VPS39: variants seen among roughly 807,000 people sequenced by gnomAD.
The protein encoded by VPS39 is vam6/Vps39-like protein.
VPS39 carries 70 observed loss-of-function variants against 121.0 expected under a neutral mutation model. That is an observed-to-expected ratio of 0.58 (90% confidence interval 0.48 to 0.71). The LOEUF (loss-of-function observed/expected upper bound fraction) is 0.71. Ranked by LOEUF, VPS39 falls within the 30% of genes least tolerant of loss-of-function variation. The pLI is 0.00. For synonymous variants in VPS39, 378 were observed against 398.1 expected (o/e 0.95, Z 0.60); for missense variants, 818 against 1,051.5 (o/e 0.78, Z 3.07).
At position 42,160,740 on chromosome 15, in the gene VPS39, C is replaced by T. The variant is rs1187933437; in HGVS notation, c.*14G>A. ...GCCAAGCTGTCCATCCGCTGGATCCCCAGGATGCTGGGCTCAAGTGTCAGC... is the reference window on the plus strand; with the variant it reads ...GCCAAGCTGTCCATCCGCTGGATCCTCAGGATGCTGGGCTCAAGTGTCAGC... On this transcript the variant is annotated 3_prime_UTR_variant, in exon 25 of 25. Transcript: ENST00000318006. The T allele has an allele frequency of 1.9e-6, 3 of 1,613,084 alleles. No individual in the cohort carries two copies. The highest frequency in any genetic ancestry group is 1.7e-5 in the Admixed American group (1 of 60,028).
intron 10 of VPS39, among the ~76,000 whole-genome samples, chr15:42,177,826 C>G (rs1426974331): frequency 6.6e-6 from 1 of 152,080 alleles, no homozygotes; most frequent in South Asian, 2.1e-4. Flanking sequence ...GCCACCATGC[C>G]CAGCTAATTT....
At chr15:42,184,307 C>T in intron 8 of VPS39, 1 of 394,358 alleles carries the variant, frequency 2.5e-6, no homozygotes, top group South Asian at 1.2e-4. Context: ...TATATGTTTT[C>T]CCCCTCTGGA....
chr15:42,193,717 G>A (rs2049876866), intron 2 of VPS39, among the ~76,000 whole-genome samples: 1 of 151,972 alleles, frequency 6.6e-6, no homozygotes, highest in Admixed American at 6.6e-5. Flanking sequence ...TTTAATTATG[G>A]AGAAGCTGTC....
At chr15:42,192,291 T>C (rs1418361167) in intron 2 of VPS39, among the ~76,000 whole-genome samples, 1 of 152,102 alleles carries the variant, frequency 6.6e-6, no homozygotes, top group Non-Finnish European at 1.5e-5. Flanking sequence ...AATTTATATA[T>C]ATTTTTTTCT....
intron 20 of VPS39, 84 bp downstream of exon 20, chr15:42,163,542 G>A: frequency 1.3e-6 from 2 of 1,510,486 alleles, no homozygotes; most frequent in Non-Finnish European, 1.8e-6. Context: ...AGTGGAGTAT[G>A]GGGAGATGGC....
In VPS39 at chr15:42,178,429, GC is replaced by G. The variant is rs2049503320; in HGVS notation, c.839+20del. 6.2e-7 allele frequency: 1 copy of G among 1,614,000 alleles called. No individual in the cohort carries two copies. The highest frequency in any genetic ancestry group is 2.2e-5 in the East Asian group (1 of 44,888). On this transcript the variant is annotated intron_variant, in intron 9 of 24. Transcript: ENST00000318006. Reference sequence around the variant, plus strand: ...AACTTTGGGATAATATACAGCCATAGCAAAAAAAGAAATTCCTTACCCTCCT... The same window carrying G: ...AACTTTGGGATAATATACAGCCATAGAAAAAAAGAAATTCCTTACCCTCCT...
Position 42,160,760 on chromosome 15 carries a change from G to T in VPS39, c.2622C>A (p.Asp874Glu), listed in dbSNP as rs764185636. 3.7e-6 allele frequency: 6 copies of T among 1,613,992 alleles called. No homozygotes were observed. In the African/African-American group the frequency reaches 6.7e-5, roughly 18 times the overall value. The change falls in exon 25 of 25, where the codon GAC (aspartate) becomes GAA (glutamate). Residue 874 changes from aspartate to glutamate, a missense_variant. Transcript: ENST00000318006. Reference sequence around the variant, plus strand: ...GATCCCCAGGATGCTGGGCTCAAGTGTCAGCTGGGTTTACCTCTTTGGAAC... The same window carrying T: ...GATCCCCAGGATGCTGGGCTCAAGTTTCAGCTGGGTTTACCTCTTTGGAAC... ...YFCSKEVNPA[D>E]T
At chr15:42,169,355 G>A (rs1256224955) in intron 12 of VPS39, among the ~76,000 whole-genome samples, 1 of 152,156 alleles carries the variant, frequency 6.6e-6, no homozygotes, top group Non-Finnish European at 1.5e-5. Context: ...TTTTGTGTGT[G>A]TTTTCCAAGT....
intron 10 of VPS39, among the ~76,000 whole-genome samples, chr15:42,177,740 C>A (rs1048100337): frequency 6.6e-6 from 1 of 151,828 alleles, no homozygotes; most frequent in Admixed American, 6.6e-5. Flanking sequence ...GATCTTGGCT[C>A]ACCGCAACCT....
Position 42,163,622 on chromosome 15 carries a change from T to G in VPS39, c.2129+4A>C, listed in dbSNP as rs1443542546. On this transcript the variant is annotated splice_donor_region_variant and intron_variant, in intron 20 of 24. Coordinates refer to ENST00000318006, the MANE Select transcript of VPS39 (RefSeq NM_015289.5). ...TAGGAGGTGGGATGTTGGGGCAAAC[T>G]TACTCCTCAGCCATCCTTGTATCCT... The G allele has an allele frequency of 6.2e-7, 1 of 1,612,210 alleles. No individual in the cohort carries two copies. Among genetic ancestry groups the G allele is most frequent in the East Asian group, 2.2e-5 (1 of 44,872 alleles).
chr15:42,178,123 A>C lies in VPS39; in HGVS notation c.960+95T>G. Reference sequence around the variant, plus strand: ...GCCCTGGACTTTCAGCTATGTGCTTATTCTACTAACCCAAAATAAATATGA... The same window carrying C: ...GCCCTGGACTTTCAGCTATGTGCTTCTTCTACTAACCCAAAATAAATATGA... On this transcript the variant is annotated intron_variant, in intron 10 of 24. Transcript: ENST00000318006. The C allele has an allele frequency of 3.2e-6, 5 of 1,556,706 alleles. No homozygotes were observed. In the South Asian group the frequency reaches 5.9e-5, roughly 18 times the overall value.
intron 9 of VPS39, 55 bp from the exon 10 acceptor site, chr15:42,178,393 G>A: frequency 2.5e-6 from 4 of 1,613,846 alleles, no homozygotes; most frequent in Non-Finnish European, 3.4e-6. Flanking sequence ...TGATGACACA[G>A]GTGACTTTAC....
chr15:42,170,175 T>A (rs977471490), intron 11 of VPS39, among the ~76,000 whole-genome samples: 3 of 151,948 alleles, frequency 2.0e-5, no homozygotes, highest in Non-Finnish European at 4.4e-5. Flanking sequence ...AATGCTGATA[T>A]TGAAGTAGAA....
Position 42,167,473 on chromosome 15 carries a change from A to G in VPS39, c.1298T>C (p.Met433Thr), listed in dbSNP as rs2049267409. The change falls in exon 13 of 25, where the codon ATG (methionine) becomes ACG (threonine). Residue 433 changes from methionine (M) to threonine (T), a missense_variant. By Grantham distance (81) the Met-to-Thr change is moderately conservative. Transcript: ENST00000318006. The part of the protein sequence containing the change: ...SDHQSSTSPL[M>T]EGTPTIKSKK... ...GGATTTGATGGTGGGAGTGCCTTCC[A>G]TGAGCGGTGAGGTGCTTGACTGGTG... 1.9e-6 allele frequency: 3 copies of G among 1,614,066 alleles called. No homozygotes were observed. Among genetic ancestry groups the G allele is most frequent in the Non-Finnish European group, 2.5e-6 (3 of 1,180,036 alleles).
At chr15:42,165,269 A>G in intron 17 of VPS39, 156 bp from the exon 18 acceptor site, 2 of 672,364 alleles carry the variant, frequency 3.0e-6, no homozygotes, top group African/African-American at 1.8e-5. Flanking sequence ...TAAAGCCACC[A>G]GGAAGTTTCA....
intron 24 of VPS39, 130 bp downstream of exon 24, chr15:42,161,552 A>G: frequency 1.0e-6 from 1 of 967,354 alleles, no homozygotes; most frequent in Non-Finnish European, 1.7e-6. Context: ...CTCAAGAACT[A>G]AAAGTTGTCA....
chr15:42,163,634 C>T lies in VPS39; in HGVS notation c.2121G>A (p.Met707Ile). 6.2e-7 allele frequency: 1 copy of T among 1,613,538 alleles called. No individual in the cohort carries two copies. The highest frequency in any genetic ancestry group is 1.3e-5 in the African/African-American group (1 of 75,024). Residue 707 changes from methionine to isoleucine, a missense_variant, in exon 20 of 25, where the codon ATG (methionine) becomes ATA (isoleucine). Coordinates refer to ENST00000318006, the MANE Select transcript of VPS39 (RefSeq NM_015289.5). ...IYVHILKDTR[M>I]AEEYCHKHYD... ...TGTTGGGGCAAACTTACTCCTCAGCCATCCTTGTATCCTTCAAGATGTGGA... is the reference window on the plus strand; with the variant it reads ...TGTTGGGGCAAACTTACTCCTCAGCTATCCTTGTATCCTTCAAGATGTGGA...
At chr15:42,200,300 T>A (rs2050040368) in intron 1 of VPS39, among the ~76,000 whole-genome samples, 1 of 152,004 alleles carries the variant, frequency 6.6e-6, no homozygotes, top group East Asian at 1.9e-4. Context: ...ATGATTTTTA[T>A]TTTTTGTTAT....
intron 1 of VPS39, among the ~76,000 whole-genome samples, chr15:42,203,641 C>A (rs1294516758): frequency 6.6e-6 from 1 of 151,110 alleles, no homozygotes; most frequent in Admixed American, 6.6e-5. Flanking sequence ...AATTCTGCCT[C>A]CAAAAAAAAA....
Sources: gnomAD v4.1 joint callset for allele counts (sites outside exome capture counted in the v4.1 genomes callset) on GRCh38, gnomAD v4.1.1 for gene constraint, MANE v1.5 for transcripts, NCBI Gene and HGNC (gene_info 2026-07-23, HGNC 2026-07-21) for gene names.